PRKCA: variants seen among roughly 807,000 people sequenced by gnomAD.
PRKCA encodes the protein protein kinase C alpha type.
Under a neutral mutation model 87.0 loss-of-function variants are expected in PRKCA, and 27 were observed. That is an observed-to-expected ratio of 0.31 (90% CI 0.23 to 0.43). The LOEUF is 0.43. Among genes scored for constraint, PRKCA ranks in the 20% least tolerant of loss-of-function variants. The pLI is 1.00. For missense variants in PRKCA, 518 were observed against 852.3 expected, an observed-to-expected ratio of 0.61 and a Z score of 4.88; for synonymous variants, 329 against 311.1, an observed-to-expected ratio of 1.06 and a Z score of -0.61.
At chr17:66,429,862 G>A (rs1042664289) in intron 2 of PRKCA, among the ~76,000 whole-genome samples, 10 of 152,116 alleles carry the variant, frequency 6.6e-5, no homozygotes, top group African/African-American at 2.4e-4. Context: ...GTAGTTCTCT[G>A]ATTGCTTTAA....
chr17:66,682,955 A>G (rs904322340), intron 5 of PRKCA, among the ~76,000 whole-genome samples: 3 of 152,168 alleles, frequency 2.0e-5, no homozygotes, highest in African/African-American at 7.2e-5. Flanking sequence ...GTTGCACTTG[A>G]GGTGATTTCT....
chr17:66,414,828 A>G (rs553601080), intron 2 of PRKCA: 3 of 152,200 alleles, frequency 2.0e-5, no homozygotes, highest in Admixed American at 6.5e-5. Context: ...ACTATATGCC[A>G]GGAGACTTAC....
At chr17:66,475,870 A>G (rs1567848244) in intron 2 of PRKCA, among the ~76,000 whole-genome samples, 1 of 152,058 alleles carries the variant, frequency 6.6e-6, no homozygotes, top group Non-Finnish European at 1.5e-5. Flanking sequence ...CTTTTTAAAT[A>G]CTATTATACC....
At chr17:66,402,400 A>G (rs1167838330) in intron 2 of PRKCA, among the ~76,000 whole-genome samples, 1 of 148,304 alleles carries the variant, frequency 6.7e-6, no homozygotes, top group African/African-American at 2.5e-5. Context: ...GAAAAGTGAA[A>G]AAGAGGCCAA....
At chr17:66,529,741 G>T (rs1967475673) in intron 3 of PRKCA, among the ~76,000 whole-genome samples, 1 of 152,114 alleles carries the variant, frequency 6.6e-6, no homozygotes, top group Non-Finnish European at 1.5e-5. Context: ...GCACTCTAGG[G>T]CCATTGCTCA....
intron 2 of PRKCA, among the ~76,000 whole-genome samples, chr17:66,454,659 CT>C (rs1182798359): frequency 6.6e-6 from 1 of 152,182 alleles, no homozygotes; most frequent in African/African-American, 2.4e-5. Context: ...ACAAGTTTCC[CT>C]TTCTAAAACC....
intron 2 of PRKCA, among the ~76,000 whole-genome samples, chr17:66,440,109 A>G (rs1157135219): frequency 3.3e-5 from 5 of 152,210 alleles, no homozygotes; most frequent in Non-Finnish European, 7.3e-5. Context: ...TTTATTTCCT[A>G]TGAAATGCCA....
rs919629467 is a variant in PRKCA at position 66,574,285 on chromosome 17, G to T, written c.289-67070G>T. On this transcript the variant is annotated intron_variant, in intron 3 of 16. Coordinates refer to ENST00000413366, the MANE Select transcript of PRKCA (RefSeq NM_002737.3). ...TCATTCCAGTGGAAATGGCCTACAT[G>T]GAATGGGCTGTACCTCAGCTGGACT... Among the ~76,000 whole-genome samples, 22 of 152,280 alleles carry T rather than the reference G, an allele frequency of 1.4e-4. No individual in the cohort carries two copies. In the East Asian group the frequency reaches 4.2e-3, roughly 29 times the overall value.
intron 14 of PRKCA, among the ~76,000 whole-genome samples, chr17:66,780,963 G>T (rs1975193539): frequency 6.6e-6 from 1 of 151,942 alleles, no homozygotes; most frequent in South Asian, 2.1e-4. Context: ...TAAAAAATTA[G>T]CCAGGCGTGG....
At chr17:66,708,386 G>A (rs1357746307) in intron 8 of PRKCA, among the ~76,000 whole-genome samples, 1 of 150,666 alleles carries the variant, frequency 6.6e-6, no homozygotes, top group Admixed American at 6.6e-5. Flanking sequence ...AGCAAGAGGT[G>A]CTGTGCGTAT....
At chr17:66,661,257 A>T (rs747875732) in intron 5 of PRKCA, among the ~76,000 whole-genome samples, 1 of 138,028 alleles carries the variant, frequency 7.2e-6, no homozygotes, top group Non-Finnish European at 1.5e-5. Context: ...TGTGGGTCAC[A>T]TGCCACCCTG....
chr17:66,407,248 C>T (rs1911468180), intron 2 of PRKCA, among the ~76,000 whole-genome samples: 1 of 151,790 alleles, frequency 6.6e-6, no homozygotes, highest in Non-Finnish European at 1.5e-5. Flanking sequence ...GAGGTGGGGC[C>T]TGGTGGGAGG....
chr17:66,332,229 C>T (rs1352738914), intron 2 of PRKCA, among the ~76,000 whole-genome samples: 10 of 129,908 alleles, frequency 7.7e-5, no homozygotes, highest in African/African-American at 1.8e-4. Context: ...TTCCTTCCTT[C>T]TTTTTTTTTT....
At chr17:66,744,743 G>T (rs1974235769) in intron 13 of PRKCA, among the ~76,000 whole-genome samples, 1 of 152,176 alleles carries the variant, frequency 6.6e-6, no homozygotes. Context: ...ATTATCATGT[G>T]GTTCCGGAGA....
intron 11 of PRKCA, among the ~76,000 whole-genome samples, chr17:66,741,138 C>T (rs562686286): frequency 6.6e-6 from 1 of 152,272 alleles, no homozygotes; most frequent in East Asian, 1.9e-4. Context: ...ATGGTAGTTA[C>T]TGCTTTTTAT....
chr17:66,785,868 A>G (rs554097619), intron 14 of PRKCA, among the ~76,000 whole-genome samples: 25 of 152,284 alleles, frequency 1.6e-4, no homozygotes, highest in African/African-American at 2.4e-4. Flanking sequence ...TCGCTCTGTC[A>G]CCCAGGCTGG....
At chr17:66,375,565 A>G (rs1214923215) in intron 2 of PRKCA, among the ~76,000 whole-genome samples, 4 of 152,258 alleles carry the variant, frequency 2.6e-5, no homozygotes, top group East Asian at 1.9e-4. Flanking sequence ...CATGCATATC[A>G]TATTCCAAAT....
At chr17:66,466,296 G>A (rs923869658) in intron 2 of PRKCA, among the ~76,000 whole-genome samples, 11 of 152,162 alleles carry the variant, frequency 7.2e-5, no homozygotes, top group African/African-American at 2.4e-4. Flanking sequence ...AGCATCTAAT[G>A]GGAACTGAGC....
intron 3 of PRKCA, among the ~76,000 whole-genome samples, chr17:66,565,155 G>A (rs373549917): frequency 6.6e-6 from 1 of 152,130 alleles, no homozygotes; most frequent in Non-Finnish European, 1.5e-5. Flanking sequence ...CCGTAAAATG[G>A]GACTAAGTAA....
Sources: allele counts gnomAD v4.1 joint callset (sites outside exome capture counted in the v4.1 genomes callset), GRCh38; gene constraint gnomAD v4.1.1; transcripts MANE v1.5; gene names NCBI Gene and HGNC (gene_info 2026-07-23, HGNC 2026-07-21).